The following ARHGAP20 variants were observed in gnomAD, a reference collection of about 807,000 sequenced individuals.
The protein encoded by ARHGAP20 is Rho GTPase activating protein 20.
Under a neutral mutation model 73.7 loss-of-function variants are expected in ARHGAP20, and 34 were observed. The ratio of observed to expected loss-of-function variants is 0.46; its 90% confidence interval spans 0.35 to 0.61. The LOEUF (loss-of-function observed/expected upper bound fraction) is 0.61, where lower values mean the gene tolerates loss of function less well. Ranked by LOEUF, ARHGAP20 falls within the 20% of genes least tolerant of loss-of-function variation. The pLI, the probability that ARHGAP20 is intolerant of heterozygous loss-of-function variation, is 0.00. For synonymous variants in ARHGAP20, 523 were observed against 518.2 expected (o/e 1.01, Z -0.13); for missense variants, 1,314 against 1,420.9 (o/e 0.92, Z 1.21).
intron 2 of ARHGAP20, among the ~76,000 whole-genome samples, chr11:110,659,914 G>A (rs1480713621): frequency 1.3e-5 from 2 of 151,676 alleles, no homozygotes; most frequent in African/African-American, 2.4e-5. Context: ...TGGGGTGGGG[G>A]GAGTGGGGAG....
At position 110,578,946 on chromosome 11, in the gene ARHGAP20, A is replaced by T; in HGVS notation, c.*424T>A. The T allele has an allele frequency of 1.0e-6, 1 of 987,366 alleles. No homozygotes were observed. 61.2% of individuals were successfully genotyped at this position (987,366 alleles called of 1,614,324 possible). A position where few individuals can be genotyped will look rare whatever the true frequency, so the allele number is the denominator to read the frequency against. On this transcript the variant is annotated 3_prime_UTR_variant, in exon 15 of 15. Coordinates refer to ENST00000683387, the MANE Select transcript of ARHGAP20 (RefSeq NM_001384657.1). ...TGGCATTTTTCTTGCCTACTTATTA[A>T]AAACATTCCATGGAATGTAGATGGT...
chr11:110,660,061 CAAAA>C (rs746439426), intron 2 of ARHGAP20, among the ~76,000 whole-genome samples: 3,625 of 69,252 alleles, frequency 0.052, 162 homozygotes, highest in African/African-American at 0.16. Flanking sequence ...TAATAAAAAA[CAAAA>C]AAAAAAAAAA....
At chr11:110,644,367 A>G (rs1011324728) in intron 2 of ARHGAP20, among the ~76,000 whole-genome samples, 1 of 152,206 alleles carries the variant, frequency 6.6e-6, no homozygotes, top group Non-Finnish European at 1.5e-5. Context: ...AAGTAATAAG[A>G]ACAAAGCTGG....
At position 110,580,974 on chromosome 11, in the gene ARHGAP20, T is replaced by G; in HGVS notation, c.1972A>C (p.Lys658Gln). The G allele has an allele frequency of 1.9e-6, 3 of 1,614,192 alleles. No homozygotes were observed. Among genetic ancestry groups the G allele is most frequent in the Non-Finnish European group, 2.5e-6 (3 of 1,180,026 alleles). ...DVQMKRPLES[K>Q]PVNILVYTKI... ...GTGTACACTAAAATGTTCACCGGCT[T>G]GGATTCAAGAGGCCGTTTCATTTGA... Residue 658 changes from lysine to glutamine, a missense_variant, in exon 15 of 15, where the codon AAG becomes CAG. By Grantham distance (53) the Lys-to-Gln change is moderately conservative (BLOSUM62 1). This residue lies in a region of ARHGAP20 where 230 missense variants were observed against 317.6 expected (regional missense o/e 0.72). Transcript: ENST00000683387.
At position 110,623,297 on chromosome 11, in the gene ARHGAP20, G is replaced by C. The variant is rs534833780; in HGVS notation, c.503+865C>G. Among the ~76,000 whole-genome samples, 4 of 152,312 alleles carry C rather than the reference G, an allele frequency of 2.6e-5. No homozygotes were observed. The South Asian group carries it at 8.3e-4, about 32-fold the overall frequency. On this transcript the variant is annotated intron_variant, in intron 4 of 14. Transcript: ENST00000683387. ...AGAAGCAGAATAAAAAGCATCATGT[G>C]CATGTGATGGACACTAACTTTAAGT...
chr11:110,622,855 T>C (rs1176974872), intron 4 of ARHGAP20, among the ~76,000 whole-genome samples: 1 of 152,180 alleles, frequency 6.6e-6, no homozygotes, highest in Non-Finnish European at 1.5e-5. Flanking sequence ...ACTGGTGATA[T>C]TAACCTTGAT....
chr11:110,592,250 CAAAGAG>C (rs974390455), intron 9 of ARHGAP20, 95 bp from the exon 10 acceptor site: 2 of 1,206,408 alleles, frequency 1.7e-6, no homozygotes, highest in African/African-American at 3.1e-5. Flanking sequence ...TGCTATGGCT[CAAAGAG>C]AAAAAGATGC....
In ARHGAP20 at chr11:110,609,067, T is replaced by G; in HGVS notation, c.709-17A>C. On this transcript the variant is annotated splice_polypyrimidine_tract_variant and intron_variant, in intron 7 of 14. Transcript: ENST00000683387. ...CTCAGAGCCCTTAGAGATAAAAGAG[T>G]TAAATGTCACAATAAATCTTTCACA... is the stretch of plus-strand genomic sequence containing the variant. 1 of 1,605,422 alleles carries G rather than the reference T, an allele frequency of 6.2e-7. No individual in the cohort carries two copies. The highest frequency in any genetic ancestry group is 1.1e-5 in the South Asian group (1 of 89,216).
At chr11:110,678,300 C>T (rs557090114) in intron 2 of ARHGAP20, among the ~76,000 whole-genome samples, 2 of 152,298 alleles carry the variant, frequency 1.3e-5, no homozygotes, top group East Asian at 3.9e-4. Flanking sequence ...GATGGCTTCA[C>T]ATCCCTGTGG....
chr11:110,599,436 A>G (rs1948055590), intron 9 of ARHGAP20, among the ~76,000 whole-genome samples: 1 of 152,192 alleles, frequency 6.6e-6, no homozygotes, highest in Non-Finnish European at 1.5e-5. Context: ...AGGGAAGCCG[A>G]TCGGGGGCTG....
At chr11:110,711,618 A>AG (rs1235435146) in intron 1 of ARHGAP20, 4 of 1,486,350 alleles carry the variant, frequency 2.7e-6, no homozygotes, top group Non-Finnish European at 3.6e-6. Context: ...CGGGCAGGTG[A>AG]GGGGGCCGAG....
chr11:110,580,209 T>C lies in ARHGAP20; in HGVS notation c.2737A>G (p.Ser913Gly). ...TTCTCAGTGTTTTGGTTTGTGGCAC[T>C]ACTCTTGCCCACCTCAATCCCCATG... ...LVMGIEVGKSSATNQNTEKVL... is the reference protein window; with the variant it reads ...LVMGIEVGKSGATNQNTEKVL... Residue 913 changes from serine to glycine, a missense_variant, in exon 15 of 15, where the codon AGT (serine) becomes GGT (glycine). Physicochemically the swap from Ser to Gly is moderately conservative, Grantham distance 56. This residue lies in a region of ARHGAP20 where 641 missense variants were observed against 636.9 expected (regional missense o/e 1.01). Transcript: ENST00000683387. The C allele has an allele frequency of 6.2e-7, 1 of 1,614,222 alleles. No individual in the cohort carries two copies. Among genetic ancestry groups the C allele is most frequent in the South Asian group, 1.1e-5 (1 of 91,084 alleles).
chr11:110,577,258 TA>T lies in ARHGAP20; in HGVS notation c.*2111del. 1 of 1,438,506 alleles carries T rather than the reference TA, an allele frequency of 7.0e-7. No individual in the cohort carries two copies. The highest frequency in any genetic ancestry group is 9.1e-7 in the Non-Finnish European group (1 of 1,093,792). The allele number at this position is 1,438,506 out of a possible 1,614,324, so 89.1% of individuals were successfully genotyped here. A position where few individuals can be genotyped will look rare whatever the true frequency, so the allele number is the denominator to read the frequency against. The stretch of plus-strand genomic sequence containing the variant: ...TTTTAGATAAAGCATCAGTCTAATA[TA>T]TTATAGATTGATGGAGTATAATAAA... On this transcript the variant is annotated 3_prime_UTR_variant, in exon 15 of 15. Coordinates refer to ENST00000683387, the MANE Select transcript of ARHGAP20 (RefSeq NM_001384657.1).
intron 2 of ARHGAP20, among the ~76,000 whole-genome samples, chr11:110,675,484 T>G (rs1469741631): frequency 6.6e-6 from 1 of 152,068 alleles, no homozygotes; most frequent in Non-Finnish European, 1.5e-5. Context: ...TTTCCATGGA[T>G]GGTGGGGAGT....
chr11:110,584,928 T>C (rs963052085), intron 12 of ARHGAP20, among the ~76,000 whole-genome samples: 1 of 134,494 alleles, frequency 7.4e-6, no homozygotes, highest in African/African-American at 2.9e-5. Context: ...AATATATATG[T>C]GAATATATGT....
chr11:110,597,125 C>CA (rs1947985272), intron 9 of ARHGAP20, among the ~76,000 whole-genome samples: 1 of 124,872 alleles, frequency 8.0e-6, no homozygotes, highest in South Asian at 2.5e-4. Context: ...GAACGTCACA[C>CA]ACCGGGGACC....
chr11:110,590,120 C>CAAA (rs558720081), intron 11 of ARHGAP20, among the ~76,000 whole-genome samples: 1 of 64,020 alleles, frequency 1.6e-5, no homozygotes, highest in Non-Finnish European at 3.2e-5. Context: ...GACCCCGCCT[C>CAAA]AAAAAAAAAA....
Position 110,577,450 on chromosome 11 carries a change from T to C in ARHGAP20, c.*1920A>G. The C allele has an allele frequency of 6.5e-6, 7 of 1,071,924 alleles. No individual in the cohort carries two copies. The highest frequency in any genetic ancestry group is 5.6e-5 in the Admixed American group (1 of 17,880). 66.4% of individuals were successfully genotyped at this position (1,071,924 alleles called of 1,614,324 possible). A position where few individuals can be genotyped will look rare whatever the true frequency, so the allele number is the denominator to read the frequency against. On this transcript the variant is annotated 3_prime_UTR_variant, in exon 15 of 15. Coordinates refer to ENST00000683387, the MANE Select transcript of ARHGAP20 (RefSeq NM_001384657.1). ...TCTTCTATGCTTCAAATTGGGTGAATGATTTTTTACCTGCTAACATGAAAA... is the reference window on the plus strand; with the variant it reads ...TCTTCTATGCTTCAAATTGGGTGAACGATTTTTTACCTGCTAACATGAAAA...
intron 2 of ARHGAP20, among the ~76,000 whole-genome samples, chr11:110,648,195 ATATATATATATGTAAATATATATATG>A (rs1949250916): frequency 1.2e-5 from 1 of 86,440 alleles, no homozygotes; most frequent in Non-Finnish European, 2.1e-5. Flanking sequence ...ATATGTAAAT[ATATATATATATGTAAATATATATATG>A]TATATATATA....
Sources: gnomAD v4.1 joint callset for allele counts (sites outside exome capture counted in the v4.1 genomes callset) on GRCh38, gnomAD v4.1.1 for gene constraint, gnomAD v4.1.1 regional missense constraint, MANE v1.5 for transcripts, NCBI Gene and HGNC (gene_info 2026-07-23, HGNC 2026-07-21) for gene names.